Variants in OCA2 observed in about 807,000 individuals in gnomAD.
OCA2 encodes OCA2 melanosomal transmembrane protein, also known as P protein.
Under a neutral mutation model 100.2 loss-of-function variants are expected in OCA2, and 77 were observed. The ratio of observed to expected loss-of-function variants is 0.77; its 90% confidence interval spans 0.64 to 0.93. The LOEUF is 0.93. Among genes scored for constraint, OCA2 ranks in the 40% least tolerant of loss-of-function variants. The probability of loss-of-function intolerance (pLI) is 0.00; values close to 1 mark genes in which losing one functional copy is unlikely to be tolerated. For synonymous variants in OCA2, 432 were observed against 439.2 expected (o/e 0.98, Z 0.21); for missense variants, 1,062 against 1,089.1 (o/e 0.98, Z 0.35).
intron 23 of OCA2, among the ~76,000 whole-genome samples, chr15:27,797,546 G>T (rs780953967): frequency 1.0e-5 from 1 of 98,846 alleles, no homozygotes; most frequent in Admixed American, 9.2e-5. Context: ...TCACATTAAC[G>T]GAGACTATTA....
At chr15:27,889,239 TGG>T (rs2037356701) in intron 19 of OCA2, among the ~76,000 whole-genome samples, 1 of 152,348 alleles carries the variant, frequency 6.6e-6, no homozygotes, top group Admixed American at 6.5e-5. Context: ...CTATATTTCA[TGG>T]GCTTTTCACT....
chr15:27,832,284 TGGCCTCCCCGGGGCCACTCG>T (rs909159088), intron 23 of OCA2, among the ~76,000 whole-genome samples: 10 of 152,176 alleles, frequency 6.6e-5, no homozygotes, highest in African/African-American at 2.4e-4. Flanking sequence ...GGCTCTAACC[TGGCCTCCCCGGGGCCACTCG>T]GTCCTCCTCT....
chr15:27,905,094 G>A (rs1328214761), intron 19 of OCA2, among the ~76,000 whole-genome samples: 1 of 149,678 alleles, frequency 6.7e-6, no homozygotes, highest in Non-Finnish European at 1.5e-5. Context: ...AACCCAGGAG[G>A]CAGAGGTTGC....
intron 9 of OCA2, among the ~76,000 whole-genome samples, chr15:28,004,004 G>A (rs992503982): frequency 2.0e-5 from 3 of 152,234 alleles, no homozygotes; most frequent in Non-Finnish European, 4.4e-5. Flanking sequence ...CGCCCGCGCG[G>A]AAACACCGTC....
chr15:27,954,159 A>ACACCCC (rs147024497), intron 17 of OCA2, among the ~76,000 whole-genome samples: 1 of 54,996 alleles, frequency 1.8e-5, no homozygotes, highest in African/African-American at 3.6e-5. Context: ...ACACACACAC[A>ACACCCC]CCTAGGGTCA....
chr15:27,729,356 A>G, the OCA2 span, among the ~76,000 whole-genome samples: 1 of 148,214 alleles, frequency 6.7e-6, no homozygotes, highest in Non-Finnish European at 1.5e-5. Context: ...TGTCATCTCA[A>G]AATTCTTCCA....
intron 1 of OCA2, among the ~76,000 whole-genome samples, chr15:28,091,301 T>C (rs1268764219): frequency 1.3e-5 from 2 of 152,210 alleles, no homozygotes; most frequent in Non-Finnish European, 2.9e-5. Flanking sequence ...AAATGAGGTA[T>C]ACCTCATCAG....
intron 1 of OCA2, among the ~76,000 whole-genome samples, chr15:28,082,639 G>A (rs1303998636): frequency 2.0e-5 from 3 of 152,138 alleles, no homozygotes; most frequent in Non-Finnish European, 2.9e-5. Context: ...AGGACAAGTG[G>A]TACACTGTGA....
chr15:27,809,050 C>A (rs1468899937), intron 23 of OCA2, among the ~76,000 whole-genome samples: 3 of 152,200 alleles, frequency 2.0e-5, no homozygotes, highest in Admixed American at 2.0e-4. Context: ...CCCCCAAAGG[C>A]TCCCCAACCT....
At chr15:28,007,933 G>A (rs1487051865) in intron 9 of OCA2, among the ~76,000 whole-genome samples, 1 of 152,192 alleles carries the variant, frequency 6.6e-6, no homozygotes, top group Non-Finnish European at 1.5e-5. Context: ...GGATCACTGG[G>A]CACAAAGTCA....
At chr15:27,760,285 A>C (rs2030728493) in intron 23 of OCA2, among the ~76,000 whole-genome samples, 1 of 152,026 alleles carries the variant, frequency 6.6e-6, no homozygotes, top group Admixed American at 6.6e-5. Context: ...AAAAGAAAGC[A>C]AATTAAAAAC....
chr15:27,779,615 CTTTTTCTATCCT>C (rs2032431698), intron 23 of OCA2, among the ~76,000 whole-genome samples: 1 of 152,136 alleles, frequency 6.6e-6, no homozygotes, highest in African/African-American at 2.4e-5. Context: ...CACAGAATAT[CTTTTTCTATCCT>C]TTTACTTTCA....
rs566853834 is a variant in OCA2, at chr15:27,830,430, ATAAAT to A, written c.2432+14524_2432+14528del. ...TTCACTTTTAAAAAGCTGAAAATAA[ATAAAT>A]TAAATACTTAAAATAATAGGATAGA... On this transcript the variant is annotated intron_variant, in intron 23 of 23. Coordinates refer to ENST00000354638, the MANE Select transcript of OCA2 (RefSeq NM_000275.3). Among the ~76,000 whole-genome samples the A allele has an allele frequency of 6.8e-4, 103 of 152,366 alleles. 2 individuals are homozygous for A. Among genetic ancestry groups the A allele is most frequent in the African/African-American group, 2.3e-3 (94 of 41,584 alleles).
At chr15:27,720,395 ATTATG>A in the OCA2 span, among the ~76,000 whole-genome samples, 2 of 149,706 alleles carry the variant, frequency 1.3e-5, no homozygotes, top group South Asian at 2.1e-4. Context: ...ATGTTTATAT[ATTATG>A]TTATATATAT....
intron 14 of OCA2, among the ~76,000 whole-genome samples, chr15:27,971,539 G>A (rs2040791811): frequency 6.6e-6 from 1 of 152,124 alleles, no homozygotes; most frequent in Admixed American, 6.5e-5. Context: ...GCTTGTGGCT[G>A]GGGAATAAGT....
Position 27,871,866 on chromosome 15 carries a change from TA to T in OCA2, c.2135del (p.Ile712LysfsTer11), listed in dbSNP as rs775008954. 3.1e-6 allele frequency: 5 copies of T among 1,595,682 alleles called. No individual in the cohort carries two copies. The Admixed American group carries it at 8.3e-5, about 27-fold the overall frequency. ...TCTATTATAGCATTTATTTTACCTT[TA>T]TTAGCAAAGCAGTTTGTTCTCCAAC... ...EYVGEQTALL[I>X]KMVPEEQRLI... On this transcript the variant is annotated frameshift_variant, in exon 20 of 24. Transcript: ENST00000354638. LOFTEE classifies it high-confidence loss of function.
downstream of OCA2, among the ~76,000 whole-genome samples, chr15:27,753,043 A>G (rs2030126032): frequency 6.6e-6 from 1 of 151,968 alleles, no homozygotes; most frequent in Non-Finnish European, 1.5e-5. Context: ...GATTCACCTC[A>G]GCAACATTGA....
At chr15:27,868,125 C>G (rs1016092605) in intron 21 of OCA2, among the ~76,000 whole-genome samples, 1 of 152,128 alleles carries the variant, frequency 6.6e-6, no homozygotes, top group Non-Finnish European at 1.5e-5. Context: ...GCTTTTTAGG[C>G]GTGCAGCTGG....
chr15:28,034,244 A>C (rs1344000086), intron 2 of OCA2, among the ~76,000 whole-genome samples: 1 of 152,202 alleles, frequency 6.6e-6, no homozygotes, highest in African/African-American at 2.4e-5. Flanking sequence ...GTGAGCTATG[A>C]TGGAGTCACT....
Sources: allele counts gnomAD v4.1 joint callset (sites outside exome capture counted in the v4.1 genomes callset), GRCh38; gene constraint gnomAD v4.1.1; transcripts MANE v1.5; gene names NCBI Gene and HGNC (gene_info 2026-07-23, HGNC 2026-07-21).